Variants in SLC22A9 observed in about 807,000 individuals in gnomAD.
SLC22A9 encodes the protein organic anion transporter 7.
SLC22A9 carries 64 observed loss-of-function variants against 50.1 expected under a neutral mutation model. That is an observed-to-expected ratio of 1.28 (90% CI 1.04 to 1.57). The LOEUF (loss-of-function observed/expected upper bound fraction) is 1.57, where lower values mean the gene tolerates loss of function less well. Among genes scored for constraint, SLC22A9 ranks in the 40% most tolerant of loss-of-function variants. SLC22A9 has a pLI of 0.00. For missense variants in SLC22A9, 757 were observed against 676.1 expected (o/e 1.12, Z -1.33); for synonymous variants, 261 against 242.5 (o/e 1.08, Z -0.71).
At chr11:63,399,976 C>A (rs2014925677) in intron 6 of SLC22A9, among the ~76,000 whole-genome samples, 1 of 152,000 alleles carries the variant, frequency 6.6e-6, no homozygotes. Flanking sequence ...TTAAAAATTT[C>A]TTGAACCAAA....
At chr11:63,409,681 T>C (rs2015104326) in intron 9 of SLC22A9, 121 bp from the exon 10 acceptor site, 1 of 983,974 alleles carries the variant, frequency 1.0e-6, no homozygotes, top group Non-Finnish European at 1.5e-6. Context: ...GGCAGAGATA[T>C]GGTTTTTACC....
At chr11:63,404,343 G>C (rs919803219) in intron 6 of SLC22A9, among the ~76,000 whole-genome samples, 3 of 151,992 alleles carry the variant, frequency 2.0e-5, no homozygotes, top group Non-Finnish European at 4.4e-5. Flanking sequence ...TGTCATTTAA[G>C]GGCATAAAGT....
At chr11:63,391,821 A>T (rs571618414) in intron 6 of SLC22A9, among the ~76,000 whole-genome samples, 22 of 149,992 alleles carry the variant, frequency 1.5e-4, no homozygotes, top group Non-Finnish European at 2.4e-4. Flanking sequence ...TATTGATTTT[A>T]AAAAAAAGAC....
At chr11:63,374,218 T>C (rs1375399779) in intron 4 of SLC22A9, among the ~76,000 whole-genome samples, 156 bp downstream of exon 4, 1 of 152,168 alleles carries the variant, frequency 6.6e-6, no homozygotes, top group Non-Finnish European at 1.5e-5. Flanking sequence ...GCAGAACACA[T>C]AGAGTTTCCT....
intron 5 of SLC22A9, 50 bp downstream of exon 5, chr11:63,375,818 C>A: frequency 6.3e-7 from 1 of 1,595,778 alleles, no homozygotes; most frequent in Non-Finnish European, 8.5e-7. Flanking sequence ...CATAACTTGT[C>A]ATCAATACTT....
At chr11:63,400,450 C>T (rs2014933609) in intron 6 of SLC22A9, among the ~76,000 whole-genome samples, 1 of 151,902 alleles carries the variant, frequency 6.6e-6, no homozygotes, top group Non-Finnish European at 1.5e-5. Context: ...ATTGATTGAA[C>T]CAAGTTGACA....
At chr11:63,381,269 C>A (rs2119901500) in intron 5 of SLC22A9, among the ~76,000 whole-genome samples, 1 of 152,152 alleles carries the variant, frequency 6.6e-6, no homozygotes, top group East Asian at 1.9e-4. Context: ...TCACATATAA[C>A]CCAGAGATAT....
intron 6 of SLC22A9, among the ~76,000 whole-genome samples, chr11:63,396,468 C>T (rs578084282): frequency 6.6e-6 from 1 of 152,260 alleles, no homozygotes; most frequent in African/African-American, 2.4e-5. Context: ...TCAGTTTCCC[C>T]AGTGGGGGTG....
intron 6 of SLC22A9, among the ~76,000 whole-genome samples, chr11:63,384,355 A>G (rs1423970690): frequency 1.3e-5 from 2 of 152,072 alleles, no homozygotes; most frequent in Non-Finnish European, 2.9e-5. Flanking sequence ...ATGTGTTCTC[A>G]TTGTTCAGCT....
chr11:63,387,162 C>T (rs2014684221), intron 6 of SLC22A9, among the ~76,000 whole-genome samples: 1 of 151,976 alleles, frequency 6.6e-6, no homozygotes, highest in Non-Finnish European at 1.5e-5. Flanking sequence ...CCCATTTGTT[C>T]ACTTTTGCTT....
rs750268976 is a variant in SLC22A9 at position 63,408,229 on chromosome 11, C to A, written c.1397+9C>A. ...ATTCCCACCATAATCAGGTACAGAA[C>A]CTTAAGTATGCCCTGTCAGGTTCAA... On this transcript the variant is annotated intron_variant, in intron 8 of 9. Coordinates refer to ENST00000279178, the MANE Select transcript of SLC22A9 (RefSeq NM_080866.3). 3.1e-6 allele frequency: 5 copies of A among 1,604,412 alleles called. No individual in the cohort carries two copies. Among genetic ancestry groups the A allele is most frequent in the Middle Eastern group, 3.3e-4 (2 of 6,024 alleles).
At chr11:63,381,327 A>G (rs2014556760) in intron 5 of SLC22A9, among the ~76,000 whole-genome samples, 1 of 152,178 alleles carries the variant, frequency 6.6e-6, no homozygotes, top group African/African-American at 2.4e-5. Flanking sequence ...GTGTTTTACT[A>G]CTGTGAGGAC....
Position 63,373,774 on chromosome 11 carries a change from C to T in SLC22A9, c.637C>T (p.Leu213Phe), listed in dbSNP as rs556353887. 1 of 1,611,046 alleles carries T rather than the reference C, an allele frequency of 6.2e-7. No homozygotes were observed. Among genetic ancestry groups the T allele is most frequent in the Non-Finnish European group, 8.5e-7 (1 of 1,178,814 alleles). The change falls in exon 3 of 10, where the codon CTC (leucine) becomes TTC (phenylalanine). Residue 213 changes from leucine to phenylalanine, a missense_variant. Transcript: ENST00000279178. ...RFLSGIAAMS[L>F]ITNTIMLIAE... ...CTTGTCTGGGATTGCTGCAATGAGC[C>T]TCATAACAAATACTATTATGTTAAG...
chr11:63,408,952 A>T, intron 9 of SLC22A9, 73 bp downstream of exon 9: 1 of 1,471,876 alleles, frequency 6.8e-7, no homozygotes, highest in Non-Finnish European at 9.5e-7. Flanking sequence ...GCAAAATACC[A>T]TTTAGGGCCA....
At chr11:63,389,647 T>A (rs1198785088) in intron 6 of SLC22A9, among the ~76,000 whole-genome samples, 1 of 152,190 alleles carries the variant, frequency 6.6e-6, no homozygotes, top group Non-Finnish European at 1.5e-5. Context: ...AACATACGTG[T>A]GCATGTGTCT....
At chr11:63,370,884 T>C (rs1431124512) in intron 1 of SLC22A9, among the ~76,000 whole-genome samples, 1 of 152,172 alleles carries the variant, frequency 6.6e-6, no homozygotes, top group African/African-American at 2.4e-5. Context: ...CTTCAAGTGA[T>C]TGCACCATGT....
At chr11:63,388,557 T>G (rs1194048421) in intron 6 of SLC22A9, among the ~76,000 whole-genome samples, 1 of 152,058 alleles carries the variant, frequency 6.6e-6, no homozygotes, top group African/African-American at 2.4e-5. Context: ...TTTTAATGTG[T>G]TGTTGAATTC....
chr11:63,393,485 G>C (rs952884676), intron 6 of SLC22A9, among the ~76,000 whole-genome samples: 2 of 152,042 alleles, frequency 1.3e-5, no homozygotes, highest in African/African-American at 4.8e-5. Flanking sequence ...GTGAGAGTGG[G>C]CATCCTTGTC....
intron 4 of SLC22A9, among the ~76,000 whole-genome samples, chr11:63,375,420 C>T (rs1009158309): frequency 6.6e-6 from 1 of 152,078 alleles, no homozygotes; most frequent in African/African-American, 2.4e-5. Flanking sequence ...AGAGAGGAGC[C>T]AGTATGATTC....
Sources: gnomAD v4.1 joint callset for allele counts (sites outside exome capture counted in the v4.1 genomes callset) on GRCh38, gnomAD v4.1.1 for gene constraint, MANE v1.5 for transcripts, NCBI Gene and HGNC (gene_info 2026-07-23, HGNC 2026-07-21) for gene names.